UMAD1: variants seen among roughly 807,000 people sequenced by gnomAD.
The protein encoded by UMAD1 is UBAP1-MVB12-associated (UMA)-domain containing protein 1.
A neutral mutation model predicts 6.1 loss-of-function variants in UMAD1; 8 were observed. The observed-to-expected ratio is 1.30, with a 90% CI of 0.76 to 2.35. UMAD1 has a LOEUF of 2.35. Ranked by LOEUF, UMAD1 falls within the 30% of genes most tolerant of loss-of-function variation. The probability of loss-of-function intolerance (pLI) is 0.00; values close to 1 mark genes in which losing one functional copy is unlikely to be tolerated. For synonymous variants in UMAD1, 56 were observed against 31.4 expected, an observed-to-expected ratio of 1.78 and a Z score of -2.61; for missense variants, 130 against 78.4, an observed-to-expected ratio of 1.66 and a Z score of -2.49.
intron 2 of UMAD1, among the ~76,000 whole-genome samples, chr7:7,786,211 T>C (rs1442261574): frequency 6.6e-6 from 1 of 152,228 alleles, no homozygotes; most frequent in African/African-American, 2.4e-5. Flanking sequence ...ACTCGGGATG[T>C]CTCTTTAATT....
rs566746058 is a variant in UMAD1 at position 7,700,569 on chromosome 7, A to C, written c.82+27116A>C. 7.2e-5 allele frequency among the ~76,000 whole-genome samples: 11 copies of C among 152,136 alleles called. No homozygotes were observed. The East Asian group carries it at 1.7e-3, about 24-fold the overall frequency. ...GTGAGACCCCCATCTCTACAAAATAAAAACAACAAACAAACAAACAAACAA... is the reference window on the plus strand; with the variant it reads ...GTGAGACCCCCATCTCTACAAAATACAAACAACAAACAAACAAACAAACAA... On this transcript the variant is annotated intron_variant, in intron 2 of 3. Transcript: ENST00000682710.
At chr7:7,841,238 T>C (rs1184017354) in intron 3 of UMAD1, among the ~76,000 whole-genome samples, 3 of 152,190 alleles carry the variant, frequency 2.0e-5, no homozygotes, top group Non-Finnish European at 4.4e-5. Context: ...GTGGGTACTT[T>C]AGTGACTCCC....
At chr7:7,815,785 C>G (rs188981016) in intron 3 of UMAD1, among the ~76,000 whole-genome samples, 1 of 152,138 alleles carries the variant, frequency 6.6e-6, no homozygotes, top group Non-Finnish European at 1.5e-5. Flanking sequence ...TACTTTGCTA[C>G]TACCCCCAGA....
chr7:7,691,516 A>G (rs936484144), intron 2 of UMAD1, among the ~76,000 whole-genome samples: 5 of 152,206 alleles, frequency 3.3e-5, no homozygotes, highest in Admixed American at 1.3e-4. Context: ...CATGACATTC[A>G]CTATATGAAG....
chr7:7,747,267 T>C (rs960675968), intron 2 of UMAD1, among the ~76,000 whole-genome samples: 4 of 152,196 alleles, frequency 2.6e-5, no homozygotes, highest in Admixed American at 2.6e-4. Context: ...CAGTTAAGTA[T>C]ATTTAATTTA....
At chr7:7,709,241 G>A (rs1237089064) in intron 2 of UMAD1, among the ~76,000 whole-genome samples, 1 of 152,136 alleles carries the variant, frequency 6.6e-6, no homozygotes. Flanking sequence ...ATAATGTTAT[G>A]CATGGGGTTA....
chr7:7,693,311 C>CTATCTATCTATA (rs1780223248), intron 2 of UMAD1, among the ~76,000 whole-genome samples: 1 of 151,874 alleles, frequency 6.6e-6, no homozygotes, highest in South Asian at 2.1e-4. Flanking sequence ...ATCTATCTAT[C>CTATCTATCTATA]TATCTATCTA....
intron 3 of UMAD1, among the ~76,000 whole-genome samples, chr7:7,839,119 C>A (rs1442476551): frequency 1.3e-5 from 2 of 152,258 alleles, no homozygotes; most frequent in East Asian, 1.9e-4. Context: ...TTATGCCTTA[C>A]ACATATTATA....
intron 3 of UMAD1, among the ~76,000 whole-genome samples, chr7:7,812,691 CTTG>C (rs1783043593): frequency 6.6e-6 from 1 of 151,964 alleles, no homozygotes; most frequent in Non-Finnish European, 1.5e-5. Flanking sequence ...TGGTAGTCAC[CTTG>C]TTGTCATTGT....
intron 3 of UMAD1, among the ~76,000 whole-genome samples, chr7:7,840,899 A>G (rs1406632149): frequency 1.3e-5 from 2 of 152,204 alleles, no homozygotes; most frequent in Non-Finnish European, 2.9e-5. Context: ...GTACTCCATC[A>G]TAGCCTGGCT....
intron 2 of UMAD1, among the ~76,000 whole-genome samples, chr7:7,743,320 A>G (rs1781510687): frequency 6.6e-6 from 1 of 152,204 alleles, no homozygotes; most frequent in Non-Finnish European, 1.5e-5. Flanking sequence ...TTAAAACCTG[A>G]ATTGTAACAG....
At chr7:7,863,470 G>C (rs936841310) in intron 3 of UMAD1, among the ~76,000 whole-genome samples, 1 of 152,080 alleles carries the variant, frequency 6.6e-6, no homozygotes, top group Non-Finnish European at 1.5e-5. Context: ...ATGTTGTTTC[G>C]TATAGTACTA....
At chr7:7,842,056 G>A (rs538226501) in intron 3 of UMAD1, among the ~76,000 whole-genome samples, 17 of 152,086 alleles carry the variant, frequency 1.1e-4, no homozygotes, top group South Asian at 1.0e-3. Context: ...TGTCTCTGTC[G>A]GGTATGTTAG....
rs76343415 is a variant in UMAD1 at position 7,812,455 on chromosome 7, A to T, written c.156+10712A>T. ...TGTTTGTTAAAGTTATGTAACTTTAAGTGCCCAACACATCTGTTGATTGAT... is the reference window on the plus strand; with the variant it reads ...TGTTTGTTAAAGTTATGTAACTTTATGTGCCCAACACATCTGTTGATTGAT... On this transcript the variant is annotated intron_variant, in intron 3 of 3. Transcript: ENST00000682710. 3.1e-4 allele frequency among the ~76,000 whole-genome samples: 47 copies of T among 152,342 alleles called. 1 individual carries two copies. In the East Asian group the frequency reaches 6.4e-3, roughly 21 times the overall value.
chr7:7,666,539 A>G (rs192421949), intron 1 of UMAD1, among the ~76,000 whole-genome samples: 99 of 152,140 alleles, frequency 6.5e-4, no homozygotes, highest in Admixed American at 2.2e-3. Flanking sequence ...AAATATTTTA[A>G]TAGGTATATA....
intron 2 of UMAD1, among the ~76,000 whole-genome samples, chr7:7,800,098 G>A (rs1469191830): frequency 5.9e-5 from 9 of 152,206 alleles, no homozygotes; most frequent in Non-Finnish European, 8.8e-5. Context: ...GGTCTGGCTG[G>A]TCTCGATCTC....
chr7:7,667,454 C>T (rs959558887), intron 1 of UMAD1, among the ~76,000 whole-genome samples: 1 of 152,166 alleles, frequency 6.6e-6, no homozygotes, highest in Non-Finnish European at 1.5e-5. Context: ...CAGGTCCCTT[C>T]CACTTAAATT....
At chr7:7,785,386 G>GA (rs1420475202) in intron 2 of UMAD1, among the ~76,000 whole-genome samples, 12 of 152,292 alleles carry the variant, frequency 7.9e-5, no homozygotes, top group South Asian at 2.1e-4. Context: ...TTGAGGATCT[G>GA]AAAGTTGTTT....
intron 1 of UMAD1, among the ~76,000 whole-genome samples, chr7:7,649,508 A>G (rs1785174225): frequency 6.6e-6 from 1 of 152,218 alleles, no homozygotes; most frequent in Non-Finnish European, 1.5e-5. Context: ...TTTGGGGAAC[A>G]TATTCAAACC....
Sources: gnomAD v4.1 joint callset for allele counts (sites outside exome capture counted in the v4.1 genomes callset) on GRCh38, gnomAD v4.1.1 for gene constraint, MANE v1.5 for transcripts, NCBI Gene and HGNC (gene_info 2026-07-23, HGNC 2026-07-21) for gene names.